FAM135B: variants seen among roughly 807,000 people sequenced by gnomAD.
The protein encoded by FAM135B is family with sequence similarity 135 member B.
In FAM135B, 43 loss-of-function variants were observed where a neutral mutation model predicts 127.7. The ratio of observed to expected loss-of-function variants is 0.34; its 90% CI spans 0.26 to 0.43. FAM135B has a LOEUF of 0.43. Ranked by LOEUF, FAM135B falls within the 20% of genes least tolerant of loss-of-function variation. FAM135B has a pLI of 1.00. For missense variants in FAM135B, 1,558 were observed against 1,725.6 expected (o/e 0.90, Z 1.72); for synonymous variants, 670 against 665.1 (o/e 1.01, Z -0.11).
intron 1 of FAM135B, among the ~76,000 whole-genome samples, chr8:138,434,401 C>A (rs1835354704): frequency 6.6e-6 from 1 of 152,176 alleles, no homozygotes; most frequent in Admixed American, 6.5e-5. Flanking sequence ...CTGCTCTCCA[C>A]TTTTCAAAGT....
chr8:138,301,106 C>T (rs1825855868), intron 3 of FAM135B, among the ~76,000 whole-genome samples: 1 of 151,404 alleles, frequency 6.6e-6, no homozygotes, highest in Admixed American at 6.7e-5. Context: ...AAGAAACTGA[C>T]CTTAGCAAAT....
intron 12 of FAM135B, among the ~76,000 whole-genome samples, chr8:138,160,991 C>G (rs1819334351): frequency 6.6e-6 from 1 of 152,136 alleles, no homozygotes; most frequent in Non-Finnish European, 1.5e-5. Flanking sequence ...CCTTGGACAA[C>G]TATGGAACTT....
intron 1 of FAM135B, among the ~76,000 whole-genome samples, chr8:138,431,196 A>T (rs1365635330): frequency 6.6e-6 from 1 of 152,218 alleles, no homozygotes; most frequent in Non-Finnish European, 1.5e-5. Flanking sequence ...ACACACATTC[A>T]CTAACTCACT....
chr8:138,442,135 T>C (rs1835810979), intron 1 of FAM135B, among the ~76,000 whole-genome samples: 1 of 150,342 alleles, frequency 6.7e-6, no homozygotes, highest in Non-Finnish European at 1.5e-5. Context: ...AACTATTACA[T>C]AATCTGTCCA....
chr8:138,253,475 T>G (rs920782072), intron 5 of FAM135B, among the ~76,000 whole-genome samples: 2 of 152,160 alleles, frequency 1.3e-5, no homozygotes, highest in African/African-American at 4.8e-5. Context: ...TGGCCTTTAC[T>G]CACTAGATGG....
chr8:138,453,655 T>C lies in FAM135B; in HGVS notation c.-20+43016A>G, dbSNP rs564838096. Among the ~76,000 whole-genome samples the C allele has an allele frequency of 1.4e-4, 21 of 152,300 alleles. No homozygotes were observed. The South Asian group carries it at 3.7e-3, about 27-fold the overall frequency. ...AGGGTCCAGAGTCCAGGTCACTCCATAGAACCAGCAGGGTCCATATTGCTG... is the reference window on the plus strand; with the variant it reads ...AGGGTCCAGAGTCCAGGTCACTCCACAGAACCAGCAGGGTCCATATTGCTG... On this transcript the variant is annotated intron_variant, in intron 1 of 19. Transcript: ENST00000395297.
At chr8:138,491,330 C>T (rs1815191283) in intron 1 of FAM135B, among the ~76,000 whole-genome samples, 1 of 152,140 alleles carries the variant, frequency 6.6e-6, no homozygotes, top group African/African-American at 2.4e-5. Flanking sequence ...CAGGCCCACA[C>T]CCTCCAGTGT....
chr8:138,402,180 C>T (rs896269343), intron 1 of FAM135B, among the ~76,000 whole-genome samples: 1 of 148,860 alleles, frequency 6.7e-6, no homozygotes, highest in Non-Finnish European at 1.5e-5. Flanking sequence ...AATCCGCAGA[C>T]TCAGCAGTAC....
rs1815422466 is a variant in FAM135B, at chr8:138,496,953, C to T, written c.-302G>A. On this transcript the variant is annotated 5_prime_UTR_variant, in exon 1 of 20. Transcript: ENST00000395297. Reference sequence around the variant, plus strand: ...CCCCCCTCTCCGTGCAACAGCTGCCCGGCCGCGGCCTCCGGGCAGCCCCAG... The same window carrying T: ...CCCCCCTCTCCGTGCAACAGCTGCCTGGCCGCGGCCTCCGGGCAGCCCCAG... The T allele has an allele frequency of 6.6e-6, 1 of 152,062 alleles. No individual in the cohort carries two copies. Among genetic ancestry groups the T allele is most frequent in the African/African-American group, 2.4e-5 (1 of 41,410 alleles). The allele number at this position is 152,062 out of a possible 1,614,324, so 9.4% of individuals were successfully genotyped here.
intron 3 of FAM135B, among the ~76,000 whole-genome samples, chr8:138,293,421 A>G (rs368276097): frequency 1.3e-5 from 2 of 152,208 alleles, no homozygotes; most frequent in African/African-American, 4.8e-5. Flanking sequence ...TAAGCTAAAA[A>G]GCTTCTGTAC....
Position 138,242,902 on chromosome 8 carries a change from G to C in FAM135B, c.669+40C>G, listed in dbSNP as rs369969221. 16 of 1,589,368 alleles carry C rather than the reference G, an allele frequency of 1.0e-5. No homozygotes were observed. The African/African-American group carries it at 1.8e-4, about 18-fold the overall frequency. On this transcript the variant is annotated intron_variant, in intron 7 of 19. Coordinates refer to ENST00000395297, the MANE Select transcript of FAM135B (RefSeq NM_015912.4). This position sits in a 1 kb window ranked among gnomAD's most constrained non-coding sequence, Gnocchi z 9.6. Reference sequence around the variant, plus strand: ...TAGAACATACACTCTGCAAAGTAAAGTTTGAAAGTTTTGAAGCAACTGCCC... The same window carrying C: ...TAGAACATACACTCTGCAAAGTAAACTTTGAAAGTTTTGAAGCAACTGCCC...
At chr8:138,362,261 T>C (rs1830463518) in intron 2 of FAM135B, among the ~76,000 whole-genome samples, 1 of 145,868 alleles carries the variant, frequency 6.9e-6, no homozygotes, top group African/African-American at 2.5e-5. Context: ...CACCTCCCTC[T>C]CACCATCCCC....
intron 1 of FAM135B, among the ~76,000 whole-genome samples, chr8:138,380,685 C>T (rs1172796120): frequency 6.6e-6 from 1 of 151,894 alleles, no homozygotes; most frequent in African/African-American, 2.4e-5. Context: ...TCTTTAAATT[C>T]TTGGTGGTCA....
At chr8:138,378,265 G>C (rs1470653782) in intron 1 of FAM135B, among the ~76,000 whole-genome samples, 1 of 152,204 alleles carries the variant, frequency 6.6e-6, no homozygotes, top group East Asian at 1.9e-4. Context: ...GCACAAAGAA[G>C]GCAGGAGCAC....
At chr8:138,415,785 G>A (rs1225241181) in intron 1 of FAM135B, among the ~76,000 whole-genome samples, 1 of 152,174 alleles carries the variant, frequency 6.6e-6, no homozygotes, top group African/African-American at 2.4e-5. Context: ...GAGAATGAAT[G>A]ACAGTGACAT....
chr8:138,208,850 AAG>A (rs1267990686), intron 7 of FAM135B, among the ~76,000 whole-genome samples: 1 of 152,228 alleles, frequency 6.6e-6, no homozygotes, highest in African/African-American at 2.4e-5. Context: ...TTATATTGCC[AAG>A]AGATTTTGAC....
chr8:138,203,225 T>C (rs554853105), intron 7 of FAM135B, among the ~76,000 whole-genome samples: 1 of 152,316 alleles, frequency 6.6e-6, no homozygotes, highest in South Asian at 2.1e-4. Context: ...CACTGGGCTC[T>C]AGATGTCTAT....
At chr8:138,277,301 G>A (rs1176716320) in intron 3 of FAM135B, among the ~76,000 whole-genome samples, 1 of 152,108 alleles carries the variant, frequency 6.6e-6, no homozygotes, top group Non-Finnish European at 1.5e-5. Flanking sequence ...GTCTGTGCAT[G>A]GACACGGGAA....
chr8:138,251,721 A>C (rs539240700), intron 5 of FAM135B, among the ~76,000 whole-genome samples: 1 of 152,228 alleles, frequency 6.6e-6, no homozygotes, highest in Admixed American at 6.5e-5. Flanking sequence ...TTGGTGATTA[A>C]AAGAACATTG....
Sources: allele counts gnomAD v4.1 joint callset (sites outside exome capture counted in the v4.1 genomes callset), GRCh38; gene constraint gnomAD v4.1.1; non-coding constraint Gnocchi (gnomAD v3.1); transcripts MANE v1.5; gene names NCBI Gene and HGNC (gene_info 2026-07-23, HGNC 2026-07-21).